Variants in ZC3H4 observed in about 807,000 individuals in gnomAD.
The protein encoded by ZC3H4 is zinc finger CCCH-type containing 4.
Under a neutral mutation model 108.3 loss-of-function variants are expected in ZC3H4, and 13 were observed. That is an observed-to-expected ratio of 0.12 (90% CI 0.08 to 0.19). The LOEUF is 0.19. Among genes scored for constraint, ZC3H4 ranks in the 10% least tolerant of loss-of-function variants. The pLI is 1.00. For missense variants in ZC3H4, 1,734 were observed against 1,838.8 expected, an observed-to-expected ratio of 0.94 and a Z score of 1.04; for synonymous variants, 917 against 749.6, an observed-to-expected ratio of 1.22 and a Z score of -3.65.
At position 47,067,725 on chromosome 19, in the gene ZC3H4, C is replaced by T. The variant is rs754139171; in HGVS notation, c.2543G>A (p.Arg848His). ...TCCTGTGGGGTGTCCCTTCTGGAGGCGGGGGTCCCCCAGCCCACTGCTGCT... is the reference window on the plus strand; with the variant it reads ...TCCTGTGGGGTGTCCCTTCTGGAGGTGGGGGTCCCCCAGCCCACTGCTGCT... ...ELSSSGLGDP[R>H]LQKGHPTGSR... Residue 848 changes from arginine to histidine, a missense_variant, in exon 15 of 15, where the codon CGC (arginine) becomes CAC (histidine). Around this residue, in one of 9 missense-constraint regions of ZC3H4, gnomAD observed 540 missense variants for 484.1 expected, o/e 1.12. Transcript: ENST00000253048. The surrounding 1 kb of genome is among the most constrained non-coding windows in gnomAD (Gnocchi z 6.4). 1.5e-5 allele frequency: 24 copies of T among 1,606,312 alleles called. No individual in the cohort carries two copies. Among genetic ancestry groups the T allele is most frequent in the Admixed American group, 1.0e-4 (6 of 59,400 alleles).
intron 5 of ZC3H4, among the ~76,000 whole-genome samples, chr19:47,089,379 GT>G (rs1458215292): frequency 6.6e-6 from 1 of 152,050 alleles, no homozygotes; most frequent in Non-Finnish European, 1.5e-5. Flanking sequence ...GGTTGCTGTT[GT>G]TGGTCAGGCT....
intron 13 of ZC3H4, 88 bp from the exon 14 acceptor site, chr19:47,069,431 CCGATGG>C (rs1325021247): frequency 6.7e-7 from 1 of 1,488,804 alleles, no homozygotes; most frequent in African/African-American, 1.4e-5. Flanking sequence ...CAAACCCACA[CCGATGG>C]CGATGGAGAA....
At position 47,067,628 on chromosome 19, in the gene ZC3H4, A is replaced by G; in HGVS notation, c.2640T>C (p.Ser880=). ...LTRHVEASGG[S]GPGDSGPSDP... is the part of the protein sequence containing the mutation. ...CGGAGGGTCCCGAATCACCTGGGCC[A>G]GACCCGCCAGAAGCCTCCACATGGC... The change falls in exon 15 of 15, where the codon TCT becomes TCC. Residue 880 remains serine, a synonymous_variant. Transcript: ENST00000253048. This position sits in a 1 kb window ranked among gnomAD's most constrained non-coding sequence, Gnocchi z 6.4. The G allele has an allele frequency of 1.2e-6, 2 of 1,604,274 alleles. No homozygotes were observed. Among genetic ancestry groups the G allele is most frequent in the Non-Finnish European group, 1.7e-6 (2 of 1,177,618 alleles).
chr19:47,096,206 C>T (rs1762961168), intron 2 of ZC3H4, among the ~76,000 whole-genome samples: 1 of 152,230 alleles, frequency 6.6e-6, no homozygotes, highest in Non-Finnish European at 1.5e-5. Context: ...TACCCCTGGG[C>T]AGAGGTCAAG....
Position 47,067,854 on chromosome 19 carries a change from C to T in ZC3H4, c.2414G>A (p.Trp805Ter). 6.3e-7 allele frequency: 1 copy of T among 1,596,884 alleles called. No individual in the cohort carries two copies. The highest frequency in any genetic ancestry group is 8.5e-7 in the Non-Finnish European group (1 of 1,173,146). ...ACCCTCATCCTCATCACTTGAGTAC[C>T]AGTTTCCGGTGTCACCTGGGAAAGA... is the stretch of plus-strand genomic sequence containing the variant. ...RENEEGDTGNWYSSDEDEGGS... is the reference protein window; with the variant it reads ...RENEEGDTGN Residue 805 changes from tryptophan (W) to a stop codon, truncating the protein, a stop_gained, in exon 15 of 15, where the codon TGG becomes TAG. Coordinates refer to ENST00000253048, the MANE Select transcript of ZC3H4 (RefSeq NM_015168.2). LOFTEE classifies it low-confidence loss of function (END_TRUNC). This position sits in a 1 kb window ranked among gnomAD's most constrained non-coding sequence, Gnocchi z 6.4.
In ZC3H4 at chr19:47,072,026, T is replaced by C; in HGVS notation, c.1898A>G (p.His633Arg). ...GTGCATGTCCGGGTGCATGTCGGGG[T>C]GCATGTCAGGATGCATTGGACCGCC... is the stretch of plus-strand genomic sequence containing the variant. ...PMGGPMHPDM[H>R]PDMHPDMHPD... The change falls in exon 13 of 15, where the codon CAC (histidine) becomes CGC (arginine). Residue 633 changes from histidine (H) to arginine (R), a missense_variant. His to Arg is a conservative substitution (Grantham distance 29, BLOSUM62 0). Around this residue, in one of 9 missense-constraint regions of ZC3H4, gnomAD observed 540 missense variants for 484.1 expected, o/e 1.12. Transcript: ENST00000253048. The surrounding 1 kb of genome is among the most constrained non-coding windows in gnomAD (Gnocchi z 5.6). 2 of 1,580,140 alleles carry C rather than the reference T, an allele frequency of 1.3e-6. No homozygotes were observed. Among genetic ancestry groups the C allele is most frequent in the Non-Finnish European group, 1.7e-6 (2 of 1,163,546 alleles).
chr19:47,105,658 CT>C lies in ZC3H4; in HGVS notation c.161+6765del, dbSNP rs2057959116. 3.3e-5 allele frequency among the ~76,000 whole-genome samples: 5 copies of C among 152,180 alleles called. 1 individual carries two copies. The highest frequency in any genetic ancestry group is 3.3e-4 in the Admixed American group (5 of 15,280). On this transcript the variant is annotated intron_variant, in intron 2 of 14. Transcript: ENST00000253048. ...TACAAAAACAGGCTGGGTGGGCTGG[CT>C]TTGGCCCGAGAATCATAGTTTGCCG...
chr19:47,091,978 G>C (rs780275327), intron 4 of ZC3H4, among the ~76,000 whole-genome samples: 2 of 151,900 alleles, frequency 1.3e-5, no homozygotes, highest in African/African-American at 4.8e-5. Context: ...GGAGGCCGAG[G>C]TGGGCAGATC....
intron 2 of ZC3H4, among the ~76,000 whole-genome samples, chr19:47,111,546 C>T (rs369685333): frequency 4.6e-5 from 7 of 152,262 alleles, no homozygotes; most frequent in South Asian, 2.1e-4. Context: ...AACCTTACCC[C>T]CGCAAAACAA....
intron 1 of ZC3H4, 95 bp from the exon 2 acceptor site, chr19:47,112,684 G>A: frequency 1.4e-6 from 1 of 706,522 alleles, no homozygotes; most frequent in Non-Finnish European, 2.0e-6. Context: ...GATGGGAATG[G>A]GGTATATATT....
At chr19:47,093,523 G>A (rs1010641636) in intron 4 of ZC3H4, among the ~76,000 whole-genome samples, 7 of 152,192 alleles carry the variant, frequency 4.6e-5, no homozygotes, top group Non-Finnish European at 1.0e-4. Context: ...ATGCCTCATG[G>A]AGGTCAGCTA....
At chr19:47,078,294 T>A (rs1351722886) in intron 11 of ZC3H4, among the ~76,000 whole-genome samples, 1 of 152,088 alleles carries the variant, frequency 6.6e-6, no homozygotes, top group Non-Finnish European at 1.5e-5. Context: ...GCCAACATGA[T>A]AAAACCTCAT....
At chr19:47,091,015 C>T (rs1295870134) in intron 4 of ZC3H4, among the ~76,000 whole-genome samples, 1 of 152,146 alleles carries the variant, frequency 6.6e-6, no homozygotes, top group African/African-American at 2.4e-5. Context: ...GCCTGTAATC[C>T]CAGCACTTTG....
chr19:47,092,448 G>T (rs2057749454), intron 4 of ZC3H4, among the ~76,000 whole-genome samples: 1 of 152,188 alleles, frequency 6.6e-6, no homozygotes, highest in African/African-American at 2.4e-5. Context: ...ATTGGACAAT[G>T]AATCATTTGT....
At chr19:47,068,395 C>T (rs1016063792) in intron 14 of ZC3H4, among the ~76,000 whole-genome samples, 14 of 152,188 alleles carry the variant, frequency 9.2e-5, no homozygotes, top group African/African-American at 2.9e-4. Flanking sequence ...GACCCCAAAC[C>T]GGCTCGTGAT....
At chr19:47,108,045 T>C (rs1344611409) in intron 2 of ZC3H4, among the ~76,000 whole-genome samples, 3 of 152,206 alleles carry the variant, frequency 2.0e-5, no homozygotes, top group Non-Finnish European at 4.4e-5. Context: ...ACTGGCTTCA[T>C]ACCATGTTAT....
At chr19:47,073,343 G>T (rs1401113452) in intron 11 of ZC3H4, among the ~76,000 whole-genome samples, 1 of 152,092 alleles carries the variant, frequency 6.6e-6, no homozygotes, top group African/African-American at 2.4e-5. Flanking sequence ...GCTGAGGTGG[G>T]CAGATCACCT....
At chr19:47,085,845 C>T (rs2057610889) in intron 6 of ZC3H4, among the ~76,000 whole-genome samples, 2 of 152,180 alleles carry the variant, frequency 1.3e-5, no homozygotes, top group African/African-American at 4.8e-5. Flanking sequence ...GATGTTTTCA[C>T]AGCACATCCT....
intron 6 of ZC3H4, 50 bp from the exon 7 acceptor site, chr19:47,085,464 A>T: frequency 6.9e-7 from 1 of 1,457,386 alleles, no homozygotes. Flanking sequence ...GGGAACAATG[A>T]ACACTGTCCC....
Sources: gnomAD v4.1 joint callset for allele counts (sites outside exome capture counted in the v4.1 genomes callset) on GRCh38, gnomAD v4.1.1 for gene constraint, gnomAD v4.1.1 regional missense constraint, Gnocchi (gnomAD v3.1) non-coding constraint, MANE v1.5 for transcripts, NCBI Gene and HGNC (gene_info 2026-07-23, HGNC 2026-07-21) for gene names.